Variants in RRM2 observed in about 807,000 individuals in gnomAD.
RRM2 encodes the protein ribonucleotide reductase regulatory subunit M2.
RRM2 carries 6 observed loss-of-function variants against 45.9 expected under a neutral mutation model. The observed-to-expected ratio is 0.13, with a 90% CI of 0.07 to 0.26. The LOEUF (loss-of-function observed/expected upper bound fraction) is 0.26, where lower values mean the gene tolerates loss of function less well. Ranked by LOEUF, RRM2 falls within the 10% of genes least tolerant of loss-of-function variation. RRM2 has a pLI of 1.00. For synonymous variants in RRM2, 177 were observed against 173.0 expected (o/e 1.02, Z -0.18); for missense variants, 343 against 489.5 (o/e 0.70, Z 2.82).
chr2:10,146,788 C>G (rs558153846), intron 3 of RRM2, among the ~76,000 whole-genome samples: 48 of 152,298 alleles, frequency 3.2e-4, no homozygotes, highest in South Asian at 4.1e-4. Flanking sequence ...GCCTTGCCCC[C>G]GTTTTGAGCA....
intron 3 of RRM2, among the ~76,000 whole-genome samples, chr2:10,168,036 G>GT (rs746974999): frequency 0.16 from 21,487 of 134,386 alleles, 1,883 homozygotes; most frequent in East Asian, 0.36. Context: ...AGGCTTTTCT[G>GT]TTTTTTTTTT....
chr2:10,185,750 T>G lies in RRM2; in HGVS notation n.483-24561T>G, dbSNP rs1664151311. Among the ~76,000 whole-genome samples, 1 of 152,118 alleles carries G rather than the reference T, an allele frequency of 6.6e-6. No homozygotes were observed. The highest frequency in any genetic ancestry group is 1.5e-5 in the Non-Finnish European group (1 of 68,016). On this transcript the variant is annotated intron_variant and non_coding_transcript_variant, in intron 3 of 3. Coordinates refer to the RRM2 transcript ENST00000381786. The surrounding 1 kb of genome is among the most constrained non-coding windows in gnomAD (Gnocchi z 4.3). ...CTCCTCTCTCTGTCCCTTTGTCTCC[T>G]TTCCCCCACCCTTCACCTCCCCTCT...
intron 3 of RRM2, among the ~76,000 whole-genome samples, chr2:10,196,038 C>G (rs565735511): frequency 1.3e-5 from 2 of 152,214 alleles, no homozygotes; most frequent in African/African-American, 4.8e-5. Flanking sequence ...GTGGGGTGGC[C>G]GAAGCAGCCC....
rs568602080 is a variant in RRM2 at position 10,142,399 on chromosome 2, C to CG, written n.482+26dup. On this transcript the variant is annotated intron_variant and non_coding_transcript_variant, in intron 3 of 3. Coordinates refer to the RRM2 transcript ENST00000381786. ...AGGTGAGAAATGATGGCAACTCGCA[C>CG]GGTGGGGGAAGAGGGGCCACTGTGG... 1,118 of 1,368,560 alleles carry CG rather than the reference C, an allele frequency of 8.2e-4. 6 individuals carry two copies. The African/African-American group carries it at 0.014, about 18-fold the overall frequency. The allele number at this position is 1,368,560 out of a possible 1,614,324, so 84.8% of individuals were successfully genotyped here. A position where few individuals can be genotyped will look rare whatever the true frequency, so the allele number is the denominator to read the frequency against.
At chr2:10,161,259 G>C (rs907639486) in intron 3 of RRM2, among the ~76,000 whole-genome samples, 1 of 152,024 alleles carries the variant, frequency 6.6e-6, no homozygotes, top group Admixed American at 6.6e-5. Flanking sequence ...GGGTTTCCTC[G>C]TGTTGCCCAG....
At chr2:10,165,779 T>C (rs970892405) in intron 3 of RRM2, among the ~76,000 whole-genome samples, 2 of 152,168 alleles carry the variant, frequency 1.3e-5, no homozygotes, top group South Asian at 2.1e-4. Context: ...ATGGAAGAGC[T>C]GTGCTGGAAA....
At chr2:10,159,259 C>A (rs1299239755) in intron 3 of RRM2, among the ~76,000 whole-genome samples, 1 of 152,164 alleles carries the variant, frequency 6.6e-6, no homozygotes, top group Non-Finnish European at 1.5e-5. Flanking sequence ...CCAGGTGCCC[C>A]AGGTACCCAG....
intron 3 of RRM2, among the ~76,000 whole-genome samples, chr2:10,198,080 C>G (rs1664451313): frequency 6.6e-6 from 1 of 152,224 alleles, no homozygotes; most frequent in Admixed American, 6.5e-5. Context: ...CTCTTCCCTC[C>G]CCAGGCCCAT....
At chr2:10,152,398 A>G (rs1663331742) in intron 3 of RRM2, among the ~76,000 whole-genome samples, 1 of 151,402 alleles carries the variant, frequency 6.6e-6, no homozygotes, top group South Asian at 2.1e-4. Flanking sequence ...TCTTTTGAAA[A>G]AGTAAAAGAC....
intron 3 of RRM2, among the ~76,000 whole-genome samples, chr2:10,187,957 C>T (rs7566844): frequency 0.31 from 47,267 of 151,974 alleles, 9,120 homozygotes; most frequent in Non-Finnish European, 0.44. Flanking sequence ...GCAAGTTCTC[C>T]GGCCCCACAC....
intron 3 of RRM2, among the ~76,000 whole-genome samples, chr2:10,155,412 G>A (rs1288291532): frequency 2.6e-5 from 4 of 152,122 alleles, no homozygotes; most frequent in Admixed American, 1.3e-4. Flanking sequence ...CCATCCAGCC[G>A]GTGAGCCAGG....
At chr2:10,207,379 G>T (rs771865904) in intron 3 of RRM2, among the ~76,000 whole-genome samples, 1 of 152,034 alleles carries the variant, frequency 6.6e-6, no homozygotes, top group Non-Finnish European at 1.5e-5. Context: ...TCTCCACACC[G>T]AACCCGAGGC....
intron 3 of RRM2, among the ~76,000 whole-genome samples, chr2:10,179,078 G>A (rs1663992184): frequency 1.3e-5 from 2 of 152,114 alleles, no homozygotes; most frequent in South Asian, 2.1e-4. Context: ...ACTGTGTACC[G>A]ATGATTTATT....
At chr2:10,173,586 C>T (rs905754129) in intron 3 of RRM2, among the ~76,000 whole-genome samples, 1 of 152,234 alleles carries the variant, frequency 6.6e-6, no homozygotes, top group Non-Finnish European at 1.5e-5. Context: ...CAGGGCTCTG[C>T]GGAGCTTGGG....
At chr2:10,125,853 T>C (rs1310945791) in intron 5 of RRM2, among the ~76,000 whole-genome samples, 1 of 151,960 alleles carries the variant, frequency 6.6e-6, no homozygotes, top group Non-Finnish European at 1.5e-5. Context: ...AACATGTTTA[T>C]AGGTGGAAAT....
rs1417264008 is a variant in RRM2 at position 10,127,292 on chromosome 2, C to T, written c.798+72C>T. The T allele has an allele frequency of 7.9e-6, 12 of 1,509,690 alleles. No homozygotes were observed. Among genetic ancestry groups the T allele is most frequent in the East Asian group, 4.6e-5 (2 of 43,876 alleles). 93.5% of individuals were successfully genotyped at this position (1,509,690 alleles called of 1,614,324 possible). ...TCGGGCATGCTCTTGTGTTCACTGA[C>T]GGGGACCTGAGATGCTAGATGGCAT... On this transcript the variant is annotated intron_variant, in intron 7 of 9. Coordinates refer to ENST00000304567, the MANE Select transcript of RRM2 (RefSeq NM_001034.4). This position sits in a 1 kb window ranked among gnomAD's most constrained non-coding sequence, Gnocchi z 4.1.
chr2:10,158,307 G>A (rs114565069), intron 3 of RRM2, among the ~76,000 whole-genome samples: 49 of 152,270 alleles, frequency 3.2e-4, no homozygotes, highest in African/African-American at 1.1e-3. Flanking sequence ...GAAAGCGCTC[G>A]CGAACTTCCT....
At position 10,122,985 on chromosome 2, in the gene RRM2, G is replaced by T; in HGVS notation, c.102G>T (p.Pro34=). 6.4e-7 allele frequency: 1 copy of T among 1,554,924 alleles called. No individual in the cohort carries two copies. ...GLSLVDKENT[P]PALSGTRVLA... ...CACTCACACGCGTCTCCCCGCAGCC[G>T]CCGGCCCTGAGCGGGACCCGCGTCC... Residue 34 remains proline (P), a splice_region_variant and synonymous_variant, in exon 2 of 10, where the codon CCG becomes CCT. Coordinates refer to ENST00000304567, the MANE Select transcript of RRM2 (RefSeq NM_001034.4).
At position 10,129,417 on chromosome 2, in the gene RRM2, AT is replaced by A. The variant is rs371603045; in HGVS notation, c.*41del. The A allele has an allele frequency of 5.1e-4, 764 of 1,485,328 alleles. No homozygotes were observed. Among genetic ancestry groups the A allele is most frequent in the Admixed American group, 1.3e-3 (60 of 46,342 alleles). 92.0% of individuals were successfully genotyped at this position (1,485,328 alleles called of 1,614,324 possible). A position where few individuals can be genotyped will look rare whatever the true frequency, so the allele number is the denominator to read the frequency against. ...CTGAAGATGTGCCCTTACTTGGCTG[AT>A]TTTTTTTTTCCATCTCATAAGAAAA... is the stretch of plus-strand genomic sequence containing the variant. On this transcript the variant is annotated 3_prime_UTR_variant, in exon 10 of 10. Transcript: ENST00000304567. This position sits in a 1 kb window ranked among gnomAD's most constrained non-coding sequence, Gnocchi z 4.8.
Sources: allele counts gnomAD v4.1 joint callset (sites outside exome capture counted in the v4.1 genomes callset), GRCh38; gene constraint gnomAD v4.1.1; non-coding constraint Gnocchi (gnomAD v3.1); transcripts MANE v1.5; gene names NCBI Gene and HGNC (gene_info 2026-07-23, HGNC 2026-07-21).